Variants in LAMA3 observed in about 807,000 individuals in gnomAD.
LAMA3 encodes laminin subunit alpha-3.
A neutral mutation model predicts 402.0 loss-of-function variants in LAMA3; 281 were observed. That is an observed-to-expected ratio of 0.70 (90% CI 0.63 to 0.77). The LOEUF (loss-of-function observed/expected upper bound fraction) is 0.77. LAMA3 is among the 30% of genes least tolerant of loss of function. The probability of loss-of-function intolerance (pLI) is 0.00; values close to 1 mark genes in which losing one functional copy is unlikely to be tolerated. For missense variants in LAMA3, 3,840 were observed against 4,215.5 expected, an observed-to-expected ratio of 0.91 and a Z score of 2.47; for synonymous variants, 1,431 against 1,558.4, an observed-to-expected ratio of 0.92 and a Z score of 1.93.
intron 38 of LAMA3, among the ~76,000 whole-genome samples, chr18:23,876,082 G>A (rs1229806838): frequency 6.6e-6 from 1 of 152,192 alleles, no homozygotes; most frequent in Non-Finnish European, 1.5e-5. Flanking sequence ...GGAGGCTGAG[G>A]CAGGAGGATT....
At chr18:23,718,658 A>G (rs1489391837) in intron 2 of LAMA3, among the ~76,000 whole-genome samples, 2 of 152,174 alleles carry the variant, frequency 1.3e-5, no homozygotes, top group African/African-American at 4.8e-5. Flanking sequence ...ATGTGGCTGC[A>G]GGAGCAGAGC....
intron 9 of LAMA3, among the ~76,000 whole-genome samples, chr18:23,775,562 C>G (rs753947382): frequency 4.7e-5 from 7 of 147,812 alleles, no homozygotes; most frequent in Non-Finnish European, 1.0e-4. Context: ...TAAATGACAT[C>G]CATGAGAACT....
intron 58 of LAMA3, among the ~76,000 whole-genome samples, 190 bp from the exon 59 acceptor site, chr18:23,915,097 CAG>C (rs995938761): frequency 5.9e-5 from 9 of 152,136 alleles, no homozygotes; most frequent in Non-Finnish European, 1.2e-4. Context: ...GATGAGGAAA[CAG>C]AGACAGCGAG....
chr18:23,842,783 A>G (rs575424988), intron 29 of LAMA3, 33 bp downstream of exon 29: 1 of 1,613,772 alleles, frequency 6.2e-7, no homozygotes, highest in Admixed American at 1.7e-5. Context: ...CTTGCTCCTC[A>G]CATGCCTGCC....
At chr18:23,838,073 G>A (rs1189600928) in intron 25 of LAMA3, among the ~76,000 whole-genome samples, 1 of 152,154 alleles carries the variant, frequency 6.6e-6, no homozygotes, top group Non-Finnish European at 1.5e-5. Flanking sequence ...GCCATTCAGA[G>A]TCAAGGCTGG....
intron 56 of LAMA3, among the ~76,000 whole-genome samples, chr18:23,913,860 C>G (rs1324422852): frequency 3.3e-5 from 5 of 152,110 alleles, no homozygotes; most frequent in African/African-American, 1.2e-4. Flanking sequence ...AATTTATTCT[C>G]GAATGTACTT....
chr18:23,855,406 G>T (rs894918505), intron 32 of LAMA3, among the ~76,000 whole-genome samples: 4 of 152,188 alleles, frequency 2.6e-5, no homozygotes, highest in African/African-American at 7.2e-5. Flanking sequence ...TTTGGGAGGG[G>T]TCATCTGCTC....
rs753110722 is a variant in LAMA3 at position 23,928,629 on chromosome 18, T to G, written c.8300T>G (p.Val2767Gly). 3.7e-6 allele frequency: 6 copies of G among 1,614,106 alleles called. No homozygotes were observed. Among genetic ancestry groups the G allele is most frequent in the Non-Finnish European group, 4.2e-6 (5 of 1,179,924 alleles). ...TKKCSEDWKL[V>G]RSASFSRGGQ... ...TATTCCATGTTTGCATTTCAGCTTG[T>G]GCGATCTGCCTCATTCTCCAGAGGA... is the stretch of plus-strand genomic sequence containing the variant. Residue 2767 changes from valine to glycine, a missense_variant, in exon 64 of 75, where the codon GTG becomes GGG. Val to Gly is a moderately radical substitution (Grantham distance 109). Around this residue, in one of 3 missense-constraint regions of LAMA3, gnomAD observed 840 missense variants for 981.9 expected, o/e 0.86. Transcript: ENST00000313654.
At chr18:23,809,858 C>T (rs2063033376) in intron 12 of LAMA3, among the ~76,000 whole-genome samples, 1 of 152,048 alleles carries the variant, frequency 6.6e-6, no homozygotes, top group African/African-American at 2.4e-5. Context: ...GTAGGCTGAT[C>T]TGGCCTGGAA....
chr18:23,873,374 A>G (rs1257291677), intron 38 of LAMA3, among the ~76,000 whole-genome samples: 1 of 152,206 alleles, frequency 6.6e-6, no homozygotes, highest in Non-Finnish European at 1.5e-5. Context: ...ACAGTGCCTG[A>G]CAGATTGCTC....
intron 5 of LAMA3, 26 bp from the exon 6 acceptor site, chr18:23,753,695 T>G: frequency 1.3e-6 from 2 of 1,575,936 alleles, no homozygotes; most frequent in Non-Finnish European, 1.7e-6. Context: ...CAGTGAAACT[T>G]GCATGTTCTG....
intron 60 of LAMA3, 87 bp from the exon 61 acceptor site, chr18:23,920,848 G>T: frequency 6.6e-7 from 1 of 1,509,092 alleles, no homozygotes. Flanking sequence ...TGAGAGCAGG[G>T]GGGTCTGTGA....
At position 23,690,756 on chromosome 18, in the gene LAMA3, G is replaced by A. The variant is rs570325762; in HGVS notation, c.294+779G>A. On this transcript the variant is annotated intron_variant, in intron 1 of 74. Transcript: ENST00000313654. Reference sequence around the variant, plus strand: ...CTTGGGCGTAGCTGGGACTACAGGCGTGCCCCCCCGTGCCTGGCAATTTTT... The same window carrying A: ...CTTGGGCGTAGCTGGGACTACAGGCATGCCCCCCCGTGCCTGGCAATTTTT... Among the ~76,000 whole-genome samples the A allele has an allele frequency of 3.9e-3, 570 of 146,288 alleles. 5 individuals carry two copies. Among genetic ancestry groups the A allele is most frequent in the African/African-American group, 0.014 (545 of 40,098 alleles).
intron 8 of LAMA3, among the ~76,000 whole-genome samples, chr18:23,765,394 A>G (rs1482850361): frequency 6.6e-6 from 1 of 152,338 alleles, no homozygotes; most frequent in Admixed American, 6.5e-5. Context: ...TTCATCTGAG[A>G]CTGAAATAAC....
intron 2 of LAMA3, among the ~76,000 whole-genome samples, chr18:23,729,209 G>A (rs2061350872): frequency 1.3e-5 from 2 of 151,672 alleles, no homozygotes; most frequent in Admixed American, 1.3e-4. Context: ...TATGACTGGA[G>A]TACAGAATAA....
chr18:23,782,938 T>G lies in LAMA3; in HGVS notation c.1469-1085T>G, dbSNP rs564965304. ...GGGCCTGTGGTGAGCTCTCATGAAG[T>G]GTCCAGTCTGCTGGGTGATTTACTT... On this transcript the variant is annotated intron_variant, in intron 11 of 74. Transcript: ENST00000313654. 1.4e-4 allele frequency among the ~76,000 whole-genome samples: 22 copies of G among 152,298 alleles called. No homozygotes were observed. The South Asian group carries it at 4.6e-3, about 32-fold the overall frequency.
At chr18:23,843,418 C>A (rs536442398) in intron 29 of LAMA3, among the ~76,000 whole-genome samples, 1 of 152,192 alleles carries the variant, frequency 6.6e-6, no homozygotes. Context: ...TGCTGACCCC[C>A]CTTCTCTAGC....
intron 55 of LAMA3, among the ~76,000 whole-genome samples, chr18:23,911,958 T>G (rs2081440843): frequency 6.9e-6 from 1 of 145,298 alleles, no homozygotes; most frequent in Admixed American, 6.9e-5. Context: ...AACATATAAT[T>G]TATGCATTTA....
intron 8 of LAMA3, among the ~76,000 whole-genome samples, chr18:23,772,516 C>T (rs1045644608): frequency 2.0e-5 from 3 of 152,200 alleles, no homozygotes; most frequent in African/African-American, 2.4e-5. Flanking sequence ...GATTTACCCA[C>T]CATGTTTATG....
Sources: gnomAD v4.1 joint callset for allele counts (sites outside exome capture counted in the v4.1 genomes callset) on GRCh38, gnomAD v4.1.1 for gene constraint, gnomAD v4.1.1 regional missense constraint, MANE v1.5 for transcripts, NCBI Gene and HGNC (gene_info 2026-07-23, HGNC 2026-07-21) for gene names.